ZNF138: variants seen among roughly 807,000 people sequenced by gnomAD.
The protein encoded by ZNF138 is zinc finger protein 138.
A neutral mutation model predicts 33.0 loss-of-function variants in ZNF138; 33 were observed. The observed-to-expected ratio is 1.00, with a 90% CI of 0.76 to 1.34. ZNF138 has a LOEUF of 1.34. ZNF138 is among the 40% of genes most tolerant of loss of function. The pLI is 0.00. For missense variants in ZNF138, 360 were observed against 370.8 expected, an observed-to-expected ratio of 0.97 and a Z score of 0.24; for synonymous variants, 139 against 120.4, an observed-to-expected ratio of 1.15 and a Z score of -1.01.
chr7:64,831,307 A>T, intron 3 of ZNF138, 144 bp from the exon 4 acceptor site: 1 of 931,858 alleles, frequency 1.1e-6, no homozygotes, highest in Non-Finnish European at 1.6e-6. Context: ...TTACATTTAT[A>T]TGTCTATAAA....
chr7:64,801,346 A>C (rs1219807936), intron 1 of ZNF138, among the ~76,000 whole-genome samples: 1 of 152,120 alleles, frequency 6.6e-6, no homozygotes, highest in East Asian at 1.9e-4. Context: ...TGTTGCAGAG[A>C]TTCTGATATG....
intron 3 of ZNF138, among the ~76,000 whole-genome samples, chr7:64,830,610 A>G (rs1790005768): frequency 6.6e-6 from 1 of 152,122 alleles, no homozygotes; most frequent in African/African-American, 2.4e-5. Flanking sequence ...GACATGAGCC[A>G]CCATGCCCAG....
At chr7:64,825,324 C>T (rs1284964786) in intron 3 of ZNF138, among the ~76,000 whole-genome samples, 2 of 149,010 alleles carry the variant, frequency 1.3e-5, no homozygotes, top group Non-Finnish European at 1.5e-5. Flanking sequence ...AGGCGCCCGC[C>T]AACAGGGCCG....
intron 1 of ZNF138, among the ~76,000 whole-genome samples, chr7:64,801,544 G>A (rs79112523): frequency 0.044 from 6,644 of 152,140 alleles, 207 homozygotes; most frequent in East Asian, 0.14. Flanking sequence ...ATAATTTTGG[G>A]ATGTTTGAAA....
intron 3 of ZNF138, among the ~76,000 whole-genome samples, chr7:64,821,891 T>A (rs549691220): frequency 2.0e-5 from 3 of 148,920 alleles, no homozygotes; most frequent in South Asian, 2.1e-4. Context: ...ATAACTCCTA[T>A]CACATGTGAT....
the ZNF138 span, among the ~76,000 whole-genome samples, chr7:64,839,075 G>C: frequency 6.6e-6 from 1 of 152,194 alleles, no homozygotes; most frequent in African/African-American, 2.4e-5. Context: ...TCTGACGAGA[G>C]CGGAGGTCCC....
chr7:64,840,731 T>A, the ZNF138 span, among the ~76,000 whole-genome samples: 149,958 of 152,176 alleles, frequency 0.99, 73,926 homozygotes, highest in East Asian at 1. Context: ...TTTAAAAAAA[T>A]TTGTTATGTA....
At chr7:64,818,141 A>T (rs1172166342) in intron 3 of ZNF138, among the ~76,000 whole-genome samples, 1 of 151,296 alleles carries the variant, frequency 6.6e-6, no homozygotes, top group Non-Finnish European at 1.5e-5. Flanking sequence ...GCACCACCAC[A>T]CCCAGCTAAT....
At chr7:64,824,189 C>T (rs1021818846) in intron 3 of ZNF138, among the ~76,000 whole-genome samples, 2 of 152,066 alleles carry the variant, frequency 1.3e-5, no homozygotes, top group African/African-American at 4.8e-5. Context: ...TCATGAATGG[C>T]GTGACACCAT....
chr7:64,851,535 G>T, the ZNF138 span, among the ~76,000 whole-genome samples: 26 of 151,934 alleles, frequency 1.7e-4, no homozygotes, highest in Non-Finnish European at 3.4e-4. Flanking sequence ...AATATAAAAT[G>T]TATTAAACAC....
downstream of ZNF138, among the ~76,000 whole-genome samples, chr7:64,834,330 T>G (rs756050181): frequency 2.0e-5 from 3 of 152,194 alleles, no homozygotes; most frequent in Non-Finnish European, 2.9e-5. Flanking sequence ...TACGTAAGTA[T>G]CAGAGAATTC....
At chr7:64,830,863 G>C in intron 3 of ZNF138, 1 of 1,424,582 alleles carries the variant, frequency 7.0e-7, no homozygotes, top group Non-Finnish European at 9.2e-7. Flanking sequence ...AAATTTTTTA[G>C]GGTTTTTTTA....
At chr7:64,831,200 C>T in intron 3 of ZNF138, 1 of 1,330,970 alleles carries the variant, frequency 7.5e-7, no homozygotes, top group Middle Eastern at 2.1e-4. Flanking sequence ...ACAGACTTTT[C>T]TCTCTCTTCT....
chr7:64,817,621 G>A (rs1187774108), intron 3 of ZNF138, among the ~76,000 whole-genome samples: 1 of 152,146 alleles, frequency 6.6e-6, no homozygotes, highest in Non-Finnish European at 1.5e-5. Flanking sequence ...GTCATTACAG[G>A]TGTGAGCCAT....
At chr7:64,804,934 T>C (rs889034443) in intron 1 of ZNF138, among the ~76,000 whole-genome samples, 1 of 152,144 alleles carries the variant, frequency 6.6e-6, no homozygotes, top group Non-Finnish European at 1.5e-5. Context: ...GTGTTTCTCA[T>C]GTCGAGAGTA....
At chr7:64,839,342 C>T in the ZNF138 span, among the ~76,000 whole-genome samples, 3 of 152,160 alleles carry the variant, frequency 2.0e-5, no homozygotes, top group Non-Finnish European at 4.4e-5. Flanking sequence ...ACTGGGTGGA[C>T]CCCATCCTCT....
At chr7:64,846,935 TG>T in the ZNF138 span, among the ~76,000 whole-genome samples, 1 of 152,166 alleles carries the variant, frequency 6.6e-6, no homozygotes, top group Non-Finnish European at 1.5e-5. Context: ...AATATATCTC[TG>T]GTATGCCAAT....
the ZNF138 span, among the ~76,000 whole-genome samples, chr7:64,842,430 ATT>A: frequency 6.6e-6 from 1 of 152,194 alleles, no homozygotes. Flanking sequence ...TGGATTTGAA[ATT>A]TGGAATAATA....
the ZNF138 span, among the ~76,000 whole-genome samples, chr7:64,851,826 G>T: frequency 6.6e-6 from 1 of 152,120 alleles, no homozygotes; most frequent in Non-Finnish European, 1.5e-5. Flanking sequence ...AGCACTTGCC[G>T]TGTTGAACTG....
Sources: allele counts gnomAD v4.1 joint callset (sites outside exome capture counted in the v4.1 genomes callset), GRCh38; gene constraint gnomAD v4.1.1; transcripts MANE v1.5; gene names NCBI Gene and HGNC (gene_info 2026-07-23, HGNC 2026-07-21).